The following LRRC7 variants were observed in gnomAD, a reference collection of about 807,000 sequenced individuals.
LRRC7 encodes leucine rich repeat containing 7, also known as leucine-rich repeat-containing protein 7.
A neutral mutation model predicts 175.7 loss-of-function variants in LRRC7; 23 were observed. That is an observed-to-expected ratio of 0.13 (90% CI 0.09 to 0.19). The LOEUF (loss-of-function observed/expected upper bound fraction) is 0.19, where lower values mean the gene tolerates loss of function less well. Ranked by LOEUF, LRRC7 falls within the 10% of genes least tolerant of loss-of-function variation. LRRC7 has a pLI of 1.00. For synonymous variants in LRRC7, 685 were observed against 680.9 expected, an observed-to-expected ratio of 1.01 and a Z score of -0.09; for missense variants, 1,354 against 1,904.7, an observed-to-expected ratio of 0.71 and a Z score of 5.38.
intron 11 of LRRC7, among the ~76,000 whole-genome samples, chr1:69,997,612 G>T (rs1263721322): frequency 6.1e-5 from 9 of 148,064 alleles, no homozygotes; most frequent in South Asian, 2.2e-4. Context: ...TAGCATGAAG[G>T]GTTGTTGAAT....
At chr1:69,811,210 C>A (rs1408967355) in intron 4 of LRRC7, among the ~76,000 whole-genome samples, 1 of 152,090 alleles carries the variant, frequency 6.6e-6, no homozygotes, top group East Asian at 1.9e-4. Flanking sequence ...CAAATCAAAA[C>A]CACAGTGAGA....
intron 9 of LRRC7, among the ~76,000 whole-genome samples, chr1:69,983,993 T>G (rs1653692032): frequency 6.6e-6 from 1 of 152,262 alleles, no homozygotes; most frequent in South Asian, 2.1e-4. Context: ...TGGCATGATC[T>G]CAGCTCACCG....
chr1:70,099,833 C>T (rs1231450009), intron 25 of LRRC7, among the ~76,000 whole-genome samples: 1 of 152,046 alleles, frequency 6.6e-6, no homozygotes, highest in African/African-American at 2.4e-5. Flanking sequence ...CTGTACAAAG[C>T]TTAGCAATTC....
At chr1:69,730,399 C>T (rs575368734) in intron 2 of LRRC7, among the ~76,000 whole-genome samples, 2 of 152,200 alleles carry the variant, frequency 1.3e-5, no homozygotes, top group South Asian at 4.1e-4. Flanking sequence ...AAATTTCTTC[C>T]ATCAGATACC....
At chr1:69,751,007 C>T (rs1374530408) in intron 2 of LRRC7, among the ~76,000 whole-genome samples, 1 of 152,090 alleles carries the variant, frequency 6.6e-6, no homozygotes, top group Non-Finnish European at 1.5e-5. Flanking sequence ...GAAGATGTAA[C>T]CCAGGAGCAT....
intron 8 of LRRC7, among the ~76,000 whole-genome samples, chr1:69,944,559 T>C (rs1166643696): frequency 6.6e-6 from 1 of 152,136 alleles, no homozygotes; most frequent in Non-Finnish European, 1.5e-5. Context: ...TAGTTTTATT[T>C]TTAATTTTTT....
At position 69,603,466 on chromosome 1, in the gene LRRC7, G is replaced by A. The variant is rs190876306; in HGVS notation, c.2+34825G>A. The stretch of plus-strand genomic sequence containing the variant: ...TTTGCAAATAATTTAGTATGTTATC[G>A]TTGTTACATTTTATAATGCTTTTGT... On this transcript the variant is annotated intron_variant, in intron 1 of 26. Transcript: ENST00000651989. Among the ~76,000 whole-genome samples the A allele has an allele frequency of 8.7e-4, 132 of 152,170 alleles. 1 individual carries two copies. In the East Asian group the frequency reaches 0.018, roughly 21 times the overall value.
intron 26 of LRRC7, among the ~76,000 whole-genome samples, chr1:70,113,187 G>C (rs967819175): frequency 6.6e-6 from 1 of 152,126 alleles, no homozygotes. Flanking sequence ...ACTGAATCAC[G>C]CTTCCTTGTC....
At chr1:69,848,940 C>T (rs1371638386) in intron 7 of LRRC7, among the ~76,000 whole-genome samples, 2 of 151,864 alleles carry the variant, frequency 1.3e-5, no homozygotes, top group Non-Finnish European at 2.9e-5. Flanking sequence ...TAAAAAAAAT[C>T]ATTTTCTTAC....
At chr1:70,046,446 A>C (rs953222243) in intron 22 of LRRC7, among the ~76,000 whole-genome samples, 2 of 152,132 alleles carry the variant, frequency 1.3e-5, no homozygotes, top group Admixed American at 1.3e-4. Context: ...GCAAATCAAG[A>C]ATCATTCAAG....
chr1:69,712,235 A>AACAC (rs57948269), intron 2 of LRRC7, among the ~76,000 whole-genome samples: 13,065 of 150,630 alleles, frequency 0.087, 729 homozygotes, highest in East Asian at 0.26. Flanking sequence ...TGAGAAAAAG[A>AACAC]ACACACACAC....
At chr1:69,640,053 T>C (rs374618453) in intron 1 of LRRC7, among the ~76,000 whole-genome samples, 2 of 151,732 alleles carry the variant, frequency 1.3e-5, no homozygotes, top group East Asian at 1.9e-4. Flanking sequence ...TGGCAAAAAC[T>C]TTATCATACT....
intron 26 of LRRC7, among the ~76,000 whole-genome samples, chr1:70,120,544 T>G (rs1170470554): frequency 6.6e-6 from 1 of 152,124 alleles, no homozygotes; most frequent in Non-Finnish European, 1.5e-5. Flanking sequence ...TCTAGAGATA[T>G]AATGCTGCTT....
At chr1:70,042,418 G>C (rs534556792) in intron 21 of LRRC7, among the ~76,000 whole-genome samples, 96 of 152,294 alleles carry the variant, frequency 6.3e-4, no homozygotes, top group African/African-American at 2.3e-3. Flanking sequence ...GAAATTACAA[G>C]ATCTCTGTCC....
At chr1:69,627,010 TGTGAATA>T (rs902704582) in intron 1 of LRRC7, among the ~76,000 whole-genome samples, 12 of 152,256 alleles carry the variant, frequency 7.9e-5, no homozygotes, top group African/African-American at 2.9e-4. Context: ...TCTTTGCTAT[TGTGAATA>T]GTGCCACAAT....
At chr1:69,931,832 G>A (rs932168739) in intron 8 of LRRC7, among the ~76,000 whole-genome samples, 2 of 152,166 alleles carry the variant, frequency 1.3e-5, no homozygotes, top group Non-Finnish European at 2.9e-5. Flanking sequence ...TTTTAATCCT[G>A]ATTGGACATG....
At chr1:69,695,600 C>T (rs1662478678) in intron 2 of LRRC7, among the ~76,000 whole-genome samples, 1 of 152,204 alleles carries the variant, frequency 6.6e-6, no homozygotes, top group East Asian at 1.9e-4. Flanking sequence ...GAAAGGCCAT[C>T]AGAAATCTTT....
chr1:70,054,836 C>T lies in LRRC7; in HGVS notation c.4230+1691C>T, dbSNP rs190828705. On this transcript the variant is annotated intron_variant, in intron 23 of 26. Coordinates refer to ENST00000651989, the MANE Select transcript of LRRC7 (RefSeq NM_001370785.2). ...AGATCTCCTGACCTCCTGATCCACC[C>T]GCCTCAGCCTCCCAAAGTGCTGGGT... Among the ~76,000 whole-genome samples the T allele has an allele frequency of 3.3e-3, 298 of 91,526 alleles. 4 individuals are homozygous for T. Among genetic ancestry groups the T allele is most frequent in the East Asian group, 0.031 (107 of 3,404 alleles). 60.0% of individuals were successfully genotyped at this position (91,526 alleles called of 152,430 possible).
chr1:69,973,449 TA>T (rs1160617045), intron 8 of LRRC7, among the ~76,000 whole-genome samples: 19 of 152,118 alleles, frequency 1.2e-4, no homozygotes, highest in African/African-American at 4.3e-4. Context: ...AAAATTTTAA[TA>T]AAAAAATTAA....
Sources: gnomAD v4.1 joint callset for allele counts (sites outside exome capture counted in the v4.1 genomes callset) on GRCh38, gnomAD v4.1.1 for gene constraint, MANE v1.5 for transcripts, NCBI Gene and HGNC (gene_info 2026-07-23, HGNC 2026-07-21) for gene names.